Variants in IL1RAPL1 observed in about 807,000 individuals in gnomAD.
IL1RAPL1 encodes the protein interleukin-1 receptor accessory protein-like 1.
In IL1RAPL1, 3 loss-of-function variants were observed where a neutral mutation model predicts 48.4. The ratio of observed to expected loss-of-function variants is 0.06; its 90% CI spans 0.03 to 0.16. IL1RAPL1 has a LOEUF of 0.16. Ranked by LOEUF, IL1RAPL1 falls within the 10% of genes least tolerant of loss-of-function variation. The probability of loss-of-function intolerance (pLI) is 1.00; values close to 1 mark genes in which losing one functional copy is unlikely to be tolerated. For synonymous variants in IL1RAPL1, 185 were observed against 187.7 expected (o/e 0.99, Z 0.12); for missense variants, 349 against 530.6 (o/e 0.66, Z 3.36).
chrX:29,738,891 C>T (rs991266738), intron 6 of IL1RAPL1, among the ~76,000 whole-genome samples: 6 of 112,348 alleles, frequency 5.3e-5, no homozygotes, highest in African/African-American at 1.9e-4. Context: ...CACTAAAGAT[C>T]CCTCCACTGT....
intron 2 of IL1RAPL1, among the ~76,000 whole-genome samples, chrX:28,936,351 TA>T (rs1004887079): frequency 6.4e-5 from 7 of 109,012 alleles, no homozygotes; most frequent in Non-Finnish European, 1.1e-4. Context: ...TTGAAAATTA[TA>T]AAAAAAAATT....
chrX:29,608,495 AAAAAG>A (rs200099662), intron 5 of IL1RAPL1, among the ~76,000 whole-genome samples: 3,159 of 111,018 alleles, frequency 0.028, 108 homozygotes, highest in African/African-American at 0.098. Flanking sequence ...GGAAAGATGG[AAAAAG>A]AAAAGAAAAT....
intron 1 of IL1RAPL1, among the ~76,000 whole-genome samples, chrX:28,753,753 T>A (rs746772766): frequency 2.6e-4 from 29 of 112,461 alleles, no homozygotes; most frequent in Non-Finnish European, 4.7e-4. Flanking sequence ...CTGGTCACTA[T>A]TGAGCCATGA....
At chrX:28,790,866 GA>G (rs201721163) in intron 2 of IL1RAPL1, among the ~76,000 whole-genome samples, 20 of 111,279 alleles carry the variant, frequency 1.8e-4, no homozygotes, top group African/African-American at 6.5e-4. Flanking sequence ...TAGGTAGAAA[GA>G]GGGGTAAATA....
chrX:29,054,613 A>C (rs1927171381), intron 2 of IL1RAPL1, among the ~76,000 whole-genome samples: 1 of 111,145 alleles, frequency 9.0e-6, no homozygotes, highest in South Asian at 3.9e-4. Context: ...AGACAAAGAA[A>C]ATATTTGATT....
intron 3 of IL1RAPL1, among the ~76,000 whole-genome samples, chrX:29,320,510 C>T (rs1932796508): frequency 1.8e-5 from 2 of 112,244 alleles, no homozygotes; most frequent in Admixed American, 1.9e-4. Flanking sequence ...CACGGTGGCT[C>T]ATGCCTGTAA....
intron 2 of IL1RAPL1, among the ~76,000 whole-genome samples, chrX:29,101,518 C>G (rs1487571684): frequency 2.7e-5 from 3 of 111,750 alleles, no homozygotes; most frequent in Non-Finnish European, 5.6e-5. Context: ...CAGTATTACC[C>G]TGACACCGAA....
chrX:29,274,055 T>C (rs1932082616), intron 2 of IL1RAPL1, among the ~76,000 whole-genome samples: 1 of 111,537 alleles, frequency 9.0e-6, no homozygotes, highest in Admixed American at 9.6e-5. Flanking sequence ...TTTCCTCAAG[T>C]TATCACCCCT....
At chrX:28,628,848 A>G (rs892764493) in intron 1 of IL1RAPL1, among the ~76,000 whole-genome samples, 3 of 111,878 alleles carry the variant, frequency 2.7e-5, no homozygotes, top group Non-Finnish European at 5.6e-5. Context: ...GACGGGTTTT[A>G]TTTTTTATCT....
At chrX:29,680,239 C>G (rs1484792443) in intron 6 of IL1RAPL1, among the ~76,000 whole-genome samples, 1 of 111,470 alleles carries the variant, frequency 9.0e-6, no homozygotes, top group Non-Finnish European at 1.9e-5. Flanking sequence ...CTTCTCTACT[C>G]TTTCTGCATG....
intron 2 of IL1RAPL1, among the ~76,000 whole-genome samples, chrX:29,153,959 C>G (rs993792415): frequency 8.9e-6 from 1 of 112,070 alleles, no homozygotes; most frequent in Non-Finnish European, 1.9e-5. Flanking sequence ...AGAGAGAAAA[C>G]TTAGAAACCA....
rs1321260795 is a variant in IL1RAPL1, at chrX:29,302,549, C to T, written c.362+19332C>T. ...CATTATATATTCTTCTAATTGTCCA[C>T]GACTATAGTAAAGTTCCCATGACTT... On this transcript the variant is annotated intron_variant, in intron 3 of 10. Transcript: ENST00000378993. Among the ~76,000 whole-genome samples, 6 of 111,798 alleles carry T rather than the reference C, an allele frequency of 5.4e-5. No homozygotes were observed. The East Asian group carries it at 8.4e-4, about 16-fold the overall frequency.
At chrX:29,097,212 G>A (rs1928233828) in intron 2 of IL1RAPL1, among the ~76,000 whole-genome samples, 1 of 111,905 alleles carries the variant, frequency 8.9e-6, no homozygotes, top group Non-Finnish European at 1.9e-5. Flanking sequence ...AATTTCCTAA[G>A]AGTGTCATGG....
chrX:29,642,130 C>T (rs1925185267), intron 5 of IL1RAPL1, among the ~76,000 whole-genome samples: 1 of 112,557 alleles, frequency 8.9e-6, no homozygotes. Context: ...TTGCTTTTAT[C>T]CACTTTCAGG....
intron 1 of IL1RAPL1, among the ~76,000 whole-genome samples, chrX:28,660,825 A>G (rs1934814119): frequency 8.9e-6 from 1 of 112,007 alleles, no homozygotes; most frequent in African/African-American, 3.2e-5. Context: ...CGAATAAGTC[A>G]GCAAGTCCAG....
At chrX:29,223,995 G>A (rs930413671) in intron 2 of IL1RAPL1, among the ~76,000 whole-genome samples, 25 of 111,502 alleles carry the variant, frequency 2.2e-4, no homozygotes, top group Middle Eastern at 4.7e-3. Context: ...CACACACAAT[G>A]TTAAGATCCT....
intron 6 of IL1RAPL1, among the ~76,000 whole-genome samples, chrX:29,797,216 C>G (rs7065157): frequency 0.014 from 1,538 of 112,521 alleles, 25 homozygotes; most frequent in African/African-American, 0.046. Context: ...CCGTTGTACT[C>G]TACTTGCCTT....
At chrX:28,953,443 AT>A (rs1452224226) in intron 2 of IL1RAPL1, among the ~76,000 whole-genome samples, 1 of 111,747 alleles carries the variant, frequency 8.9e-6, no homozygotes, top group Non-Finnish European at 1.9e-5. Flanking sequence ...ATATTTCGGA[AT>A]TTACAAAGAC....
chrX:29,176,814 T>C (rs1419510117), intron 2 of IL1RAPL1, among the ~76,000 whole-genome samples: 1 of 111,137 alleles, frequency 9.0e-6, no homozygotes, highest in East Asian at 2.8e-4. Context: ...CAATGCCATT[T>C]ACCAATCTTT....
Sources: gnomAD v4.1 joint callset for allele counts (sites outside exome capture counted in the v4.1 genomes callset) on GRCh38, gnomAD v4.1.1 for gene constraint, MANE v1.5 for transcripts, NCBI Gene and HGNC (gene_info 2026-07-23, HGNC 2026-07-21) for gene names.